Variants in ISM1 observed in about 807,000 individuals in gnomAD.
ISM1 encodes isthmin 1, also known as isthmin-1.
Under a neutral mutation model 46.3 loss-of-function variants are expected in ISM1, and 25 were observed. That is an observed-to-expected ratio of 0.54 (90% CI 0.39 to 0.75). The LOEUF (loss-of-function observed/expected upper bound fraction) is 0.75. Ranked by LOEUF, ISM1 falls within the 30% of genes least tolerant of loss-of-function variation. The probability of loss-of-function intolerance (pLI) is 0.00; values close to 1 mark genes in which losing one functional copy is unlikely to be tolerated. For synonymous variants in ISM1, 255 were observed against 256.7 expected (o/e 0.99, Z 0.06); for missense variants, 536 against 625.4 (o/e 0.86, Z 1.52).
At chr20:13,268,331 C>CT in intron 1 of ISM1, among the ~76,000 whole-genome samples, 1 of 147,252 alleles carries the variant, frequency 6.8e-6, no homozygotes, top group African/African-American at 2.5e-5. Context: ...TTCTCTTTCT[C>CT]CTTCTCCTTC....
At chr20:13,252,570 G>A (rs889659085) in intron 1 of ISM1, among the ~76,000 whole-genome samples, 1 of 152,112 alleles carries the variant, frequency 6.6e-6, no homozygotes, top group Non-Finnish European at 1.5e-5. Context: ...GACCAACATG[G>A]TGAAACCCCG....
rs544944271 is a variant in ISM1, at chr20:13,290,633, G to A, written c.788-1741G>A. On this transcript the variant is annotated intron_variant, in intron 4 of 5. Coordinates refer to ENST00000262487, the MANE Select transcript of ISM1 (RefSeq NM_080826.2). ...AGATCGGGCCACTGCACTCCAGCCCGGGCGACAGAGCAAGACTCCGTCTCA... is the reference window on the plus strand; with the variant it reads ...AGATCGGGCCACTGCACTCCAGCCCAGGCGACAGAGCAAGACTCCGTCTCA... Among the ~76,000 whole-genome samples, 7 of 152,198 alleles carry A rather than the reference G, an allele frequency of 4.6e-5. No homozygotes were observed. The South Asian group carries it at 6.2e-4, about 14-fold the overall frequency.
chr20:13,280,402 C>G (rs577209486), intron 3 of ISM1, among the ~76,000 whole-genome samples: 1,511 of 138,884 alleles, frequency 0.011, 9 homozygotes, highest in African/African-American at 0.018. Flanking sequence ...CCCCCCCCCC[C>G]CAATACATTT....
intron 3 of ISM1, among the ~76,000 whole-genome samples, chr20:13,285,556 G>C (rs2040282693): frequency 6.6e-6 from 1 of 152,132 alleles, no homozygotes; most frequent in African/African-American, 2.4e-5. Flanking sequence ...ACGCTTGGGG[G>C]AAGAGTTCCC....
chr20:13,226,983 T>G (rs547542164), intron 1 of ISM1, among the ~76,000 whole-genome samples: 7 of 152,314 alleles, frequency 4.6e-5, no homozygotes, highest in African/African-American at 1.7e-4. Context: ...TGATTTACAT[T>G]TTTAGAACCC....
At chr20:13,238,264 T>A (rs914468768) in intron 1 of ISM1, among the ~76,000 whole-genome samples, 13 of 152,194 alleles carry the variant, frequency 8.5e-5, no homozygotes, top group African/African-American at 3.1e-4. Flanking sequence ...TGGGGACTAA[T>A]TTGAATTATA....
Position 13,283,646 on chromosome 20 carries a change from C to A in ISM1, c.643+3748C>A, listed in dbSNP as rs1196138495. 2.6e-5 allele frequency among the ~76,000 whole-genome samples: 4 copies of A among 152,276 alleles called. No individual in the cohort carries two copies. In the East Asian group the frequency reaches 7.7e-4, roughly 29 times the overall value. On this transcript the variant is annotated intron_variant, in intron 3 of 5. Coordinates refer to ENST00000262487, the MANE Select transcript of ISM1 (RefSeq NM_080826.2). The stretch of plus-strand genomic sequence containing the variant: ...GTGTTTGAGATGCTGCATTTTAAAT[C>A]TCTTCTGTGTAGATACTTGGGGTAT...
the ISM1 span, among the ~76,000 whole-genome samples, chr20:13,312,378 C>T: frequency 6.6e-6 from 1 of 152,160 alleles, no homozygotes; most frequent in African/African-American, 2.4e-5. Flanking sequence ...TACTCACTCA[C>T]TCACAGGTAA....
chr20:13,279,646 G>A lies in ISM1; in HGVS notation c.391G>A (p.Val131Met), dbSNP rs757249366. Residue 131 changes from valine (V) to methionine (M), a missense_variant, in exon 3 of 6, where the codon GTG (valine) becomes ATG (methionine). Around this residue, in one of 2 missense-constraint regions of ISM1, gnomAD observed 367 missense variants for 376.1 expected, o/e 0.98. Transcript: ENST00000262487. The part of the protein sequence containing the change: ...QNPNIQVTIE[V>M]VDGPDSEADK... ...CTGAATTCTTCAGGTCACCATAGAG[G>A]TGGTCGACGGTCCTGACTCTGAAGC... 6.2e-7 allele frequency: 1 copy of A among 1,613,384 alleles called. No individual in the cohort carries two copies. Among genetic ancestry groups the A allele is most frequent in the African/African-American group, 1.3e-5 (1 of 74,914 alleles).
At chr20:13,326,680 T>C in the ISM1 span, among the ~76,000 whole-genome samples, 15 of 152,320 alleles carry the variant, frequency 9.8e-5, no homozygotes, top group African/African-American at 3.6e-4. Context: ...CCCAGTCAGG[T>C]CTTTTGTTCA....
intron 1 of ISM1, among the ~76,000 whole-genome samples, chr20:13,222,502 C>A (rs1304409267): frequency 1.3e-5 from 2 of 152,058 alleles, no homozygotes; most frequent in Non-Finnish European, 2.9e-5. Flanking sequence ...GTTCCCCCCT[C>A]CCCCCTTGTG....
chr20:13,280,267 A>G (rs1385029010), intron 3 of ISM1, among the ~76,000 whole-genome samples: 1 of 151,784 alleles, frequency 6.6e-6, no homozygotes, highest in East Asian at 1.9e-4. Context: ...CCTGAAAATC[A>G]GTGTAGTAAA....
chr20:13,271,254 C>T (rs978019401), intron 2 of ISM1, among the ~76,000 whole-genome samples: 2 of 152,090 alleles, frequency 1.3e-5, no homozygotes, highest in Non-Finnish European at 2.9e-5. Flanking sequence ...GACAAGCTTC[C>T]GTTACTCTAA....
At chr20:13,256,146 A>G (rs2039926532) in intron 1 of ISM1, among the ~76,000 whole-genome samples, 1 of 152,098 alleles carries the variant, frequency 6.6e-6, no homozygotes, top group African/African-American at 2.4e-5. Flanking sequence ...CTGTTATCCC[A>G]GCACTTTGGG....
intron 1 of ISM1, among the ~76,000 whole-genome samples, chr20:13,268,585 C>G (rs2040075029): frequency 6.6e-6 from 1 of 152,160 alleles, no homozygotes; most frequent in African/African-American, 2.4e-5. Context: ...GAAAGGCGAG[C>G]AAAAACATGC....
chr20:13,241,310 G>A (rs904644489), intron 1 of ISM1, among the ~76,000 whole-genome samples: 3 of 152,150 alleles, frequency 2.0e-5, no homozygotes, highest in Admixed American at 2.0e-4. Flanking sequence ...TATAAAAAGG[G>A]GAGATATATG....
At chr20:13,305,411 T>C (rs1254842228), downstream of ISM1, among the ~76,000 whole-genome samples, 1 of 152,050 alleles carries the variant, frequency 6.6e-6, no homozygotes, top group Non-Finnish European at 1.5e-5. Flanking sequence ...CCCCTGTGAG[T>C]GTCAATTCCA....
rs138858741 is a variant in ISM1, at chr20:13,265,650, G to C, written c.139-4854G>C. Among the ~76,000 whole-genome samples, 230 of 152,208 alleles carry C rather than the reference G, an allele frequency of 1.5e-3. 3 individuals are homozygous for C. The East Asian group carries it at 0.037, about 25-fold the overall frequency. ...AAGGAATGCTGGTTCCTTTTGGTGA[G>C]GAAAAACCTCTTGCAATTGTGATAG... On this transcript the variant is annotated intron_variant, in intron 1 of 5. Transcript: ENST00000262487.
intron 1 of ISM1, among the ~76,000 whole-genome samples, chr20:13,228,108 G>A (rs1477262821): frequency 6.6e-6 from 1 of 151,738 alleles, no homozygotes; most frequent in Non-Finnish European, 1.5e-5. Flanking sequence ...AAATAGCTGG[G>A]ATTACAGGTA....
Sources: gnomAD v4.1 joint callset for allele counts (sites outside exome capture counted in the v4.1 genomes callset) on GRCh38, gnomAD v4.1.1 for gene constraint, gnomAD v4.1.1 regional missense constraint, MANE v1.5 for transcripts, NCBI Gene and HGNC (gene_info 2026-07-23, HGNC 2026-07-21) for gene names.